Variants in SYNPR observed in about 807,000 individuals in gnomAD.
SYNPR encodes the protein synaptoporin.
Under a neutral mutation model 32.9 loss-of-function variants are expected in SYNPR, and 23 were observed. The ratio of observed to expected loss-of-function variants is 0.70; its 90% CI spans 0.50 to 0.99. SYNPR has a LOEUF of 0.99. Among genes scored for constraint, SYNPR ranks in the 50% least tolerant of loss-of-function variants. The probability of loss-of-function intolerance (pLI) is 0.00; values close to 1 mark genes in which losing one functional copy is unlikely to be tolerated. For missense variants in SYNPR, 318 were observed against 349.3 expected (o/e 0.91, Z 0.71); for synonymous variants, 146 against 135.9 (o/e 1.07, Z -0.52).
At chr3:63,287,963 T>G (rs1209189380) in intron 2 of SYNPR, among the ~76,000 whole-genome samples, 1 of 152,222 alleles carries the variant, frequency 6.6e-6, no homozygotes, top group African/African-American at 2.4e-5. Context: ...GCAGCAAGAA[T>G]GCCTTAGCAA....
chr3:63,476,080 GAGGA>G (rs1241464778), intron 2 of SYNPR, among the ~76,000 whole-genome samples: 1 of 142,800 alleles, frequency 7.0e-6, no homozygotes, highest in Non-Finnish European at 1.5e-5. Flanking sequence ...AGGAAGAATA[GAGGA>G]AGGGAGGGAG....
intron 3 of SYNPR, among the ~76,000 whole-genome samples, chr3:63,487,117 C>A (rs985917161): frequency 6.6e-6 from 1 of 152,164 alleles, no homozygotes; most frequent in African/African-American, 2.4e-5. Flanking sequence ...GTCATAACCA[C>A]TGCGTCAAAA....
At chr3:63,327,711 T>C (rs1038704684) in intron 2 of SYNPR, among the ~76,000 whole-genome samples, 3 of 152,162 alleles carry the variant, frequency 2.0e-5, no homozygotes, top group African/African-American at 7.2e-5. Flanking sequence ...TAATTCAATT[T>C]GTGTTCAAAA....
intron 4 of SYNPR, among the ~76,000 whole-genome samples, chr3:63,602,967 T>C (rs1700066700): frequency 6.6e-6 from 1 of 152,218 alleles, no homozygotes; most frequent in South Asian, 2.1e-4. Flanking sequence ...GGATTCTTCC[T>C]CTCCATGAGC....
rs1309370694 is a variant in SYNPR, at chr3:63,278,482, A to G, written c.-52A>G. 6.5e-7 allele frequency: 1 copy of G among 1,534,598 alleles called. No homozygotes were observed. Among genetic ancestry groups the G allele is most frequent in the Non-Finnish European group, 8.8e-7 (1 of 1,138,236 alleles). Reference sequence around the variant, plus strand: ...CCCTGAGGACGGTGGTGCCAAGCGAACTTCATTTTTAAAAAGAACTGGTGG... The same window carrying G: ...CCCTGAGGACGGTGGTGCCAAGCGAGCTTCATTTTTAAAAAGAACTGGTGG... On this transcript the variant is annotated 5_prime_UTR_variant, in exon 1 of 6. Coordinates refer to ENST00000478300, the MANE Select transcript of SYNPR (RefSeq NM_001130003.2).
chr3:63,225,491 CA>C (rs2086121539), upstream of SYNPR, among the ~76,000 whole-genome samples: 1 of 152,090 alleles, frequency 6.6e-6, no homozygotes. Context: ...TAAAGTCCCT[CA>C]GAAGAAGGCC....
exon 3 of SYNPR, chr3:63,267,409 C>T (rs1430722228): frequency 1.3e-5 from 2 of 152,172 alleles, no homozygotes; most frequent in African/African-American, 2.4e-5. Context: ...GTAAGTGAAC[C>T]GTGAAGCAGA....
chr3:63,316,632 C>T (rs1394503888), intron 2 of SYNPR, among the ~76,000 whole-genome samples: 1 of 151,614 alleles, frequency 6.6e-6, no homozygotes, highest in Non-Finnish European at 1.5e-5. Context: ...TCTTCTTTTC[C>T]TGGTTAATTT....
rs545317679 is a variant in SYNPR at position 63,289,987 on chromosome 3, G to A, written c.84+11245G>A. On this transcript the variant is annotated intron_variant, in intron 2 of 5. Transcript: ENST00000478300. ...CTACTAAAAATACAAAAAATTAGCC[G>A]GGCGTGGTGGCGGGTGTCTGTAGTC... Among the ~76,000 whole-genome samples the A allele has an allele frequency of 7.9e-4, 120 of 152,014 alleles. 3 individuals are homozygous for A. Among genetic ancestry groups the A allele is most frequent in the African/African-American group, 2.6e-3 (106 of 41,466 alleles).
intron 2 of SYNPR, among the ~76,000 whole-genome samples, chr3:63,440,745 T>A (rs1700155616): frequency 6.6e-6 from 1 of 152,132 alleles, no homozygotes; most frequent in Non-Finnish European, 1.5e-5. Context: ...AACAGAGACG[T>A]GGACAAATTC....
chr3:63,218,481 A>G, the SYNPR span, among the ~76,000 whole-genome samples: 1 of 152,172 alleles, frequency 6.6e-6, no homozygotes, highest in East Asian at 1.9e-4. Context: ...TGGAATTATG[A>G]TCTTTATTTT....
chr3:63,553,302 G>T (rs537772034), intron 3 of SYNPR, among the ~76,000 whole-genome samples: 1 of 152,138 alleles, frequency 6.6e-6, no homozygotes, highest in Non-Finnish European at 1.5e-5. Context: ...AGTATTCCGT[G>T]GGGTATATGT....
chr3:63,552,994 A>C (rs747717623), intron 3 of SYNPR, among the ~76,000 whole-genome samples: 13 of 151,964 alleles, frequency 8.6e-5, no homozygotes, highest in Non-Finnish European at 1.3e-4. Flanking sequence ...CTTTTATTTT[A>C]GATATGGGGG....
chr3:63,353,737 G>A (rs899231307), intron 2 of SYNPR, among the ~76,000 whole-genome samples: 7 of 152,182 alleles, frequency 4.6e-5, no homozygotes, highest in Admixed American at 1.3e-4. Context: ...CTAGGCAAAT[G>A]AAGCAGGCTT....
the SYNPR span, among the ~76,000 whole-genome samples, chr3:63,219,526 C>T: frequency 6.6e-6 from 1 of 152,048 alleles, no homozygotes; most frequent in Admixed American, 6.6e-5. Context: ...CCTCCCACAC[C>T]CAAAAATCCA....
At chr3:63,385,133 C>T (rs1468692804) in intron 2 of SYNPR, among the ~76,000 whole-genome samples, 1 of 152,128 alleles carries the variant, frequency 6.6e-6, no homozygotes, top group Non-Finnish European at 1.5e-5. Flanking sequence ...CTATTATTTA[C>T]TTAATATTCA....
At chr3:63,603,594 G>T (rs1171560138) in intron 4 of SYNPR, among the ~76,000 whole-genome samples, 1 of 152,164 alleles carries the variant, frequency 6.6e-6, no homozygotes, top group Non-Finnish European at 1.5e-5. Flanking sequence ...TGCATCTAAT[G>T]AGATGATCAT....
At position 63,480,846 on chromosome 3, in the gene SYNPR, T is replaced by C; in HGVS notation, c.99T>C (p.Phe33=). The part of the protein sequence containing the change: ...LRALELLFAI[F]AFATCGGYSG... ...GTTCTCCACAGCTTTTTGCAATCTT[T>C]GCATTTGCAACATGCGGTGGCTATT... Residue 33 remains phenylalanine (F), a synonymous_variant, in exon 3 of 6, where the codon TTT becomes TTC. Coordinates refer to ENST00000478300, the MANE Select transcript of SYNPR (RefSeq NM_001130003.2). The C allele has an allele frequency of 1.2e-6, 2 of 1,613,466 alleles. No homozygotes were observed. Among genetic ancestry groups the C allele is most frequent in the Non-Finnish European group, 1.7e-6 (2 of 1,179,520 alleles).
chr3:63,422,316 A>G (rs1270935280), intron 2 of SYNPR, among the ~76,000 whole-genome samples: 3 of 152,206 alleles, frequency 2.0e-5, no homozygotes, highest in African/African-American at 7.2e-5. Flanking sequence ...TACAATGGAA[A>G]TGTCAATTGG....
Sources: gnomAD v4.1 joint callset for allele counts (sites outside exome capture counted in the v4.1 genomes callset) on GRCh38, gnomAD v4.1.1 for gene constraint, MANE v1.5 for transcripts, NCBI Gene and HGNC (gene_info 2026-07-23, HGNC 2026-07-21) for gene names.